NEGR1: variants seen among roughly 807,000 people sequenced by gnomAD.
NEGR1 encodes neuronal growth regulator 1, also known as IgLON family member 4.
NEGR1 carries 10 observed loss-of-function variants against 40.9 expected under a neutral mutation model. The observed-to-expected ratio is 0.24, with a 90% confidence interval of 0.15 to 0.42. The LOEUF (loss-of-function observed/expected upper bound fraction) is 0.42. Ranked by LOEUF, NEGR1 falls within the 10% of genes least tolerant of loss-of-function variation. NEGR1 has a pLI of 1.00. For synonymous variants in NEGR1, 185 were observed against 166.8 expected (o/e 1.11, Z -0.84); for missense variants, 352 against 438.9 (o/e 0.80, Z 1.77).
chr1:72,189,420 C>G (rs537096906), intron 1 of NEGR1, among the ~76,000 whole-genome samples: 43 of 151,632 alleles, frequency 2.8e-4, no homozygotes, highest in Admixed American at 6.6e-4. Context: ...CCCAGCTCAG[C>G]TGAGTAGATG....
intron 2 of NEGR1, among the ~76,000 whole-genome samples, chr1:71,863,515 G>A (rs933142060): frequency 1.2e-4 from 18 of 152,170 alleles, no homozygotes; most frequent in African/African-American, 4.3e-4. Flanking sequence ...CCTAGGTGAT[G>A]GGTTGATCTG....
At chr1:71,637,542 T>C (rs1651195585) in intron 4 of NEGR1, among the ~76,000 whole-genome samples, 1 of 152,004 alleles carries the variant, frequency 6.6e-6, no homozygotes, top group South Asian at 2.1e-4. Flanking sequence ...GAATAAAGTC[T>C]AAATGTTCAC....
chr1:72,071,680 CTA>C (rs1449814009), intron 1 of NEGR1, among the ~76,000 whole-genome samples: 3 of 152,086 alleles, frequency 2.0e-5, no homozygotes, highest in Non-Finnish European at 4.4e-5. Context: ...CACTTTTGCA[CTA>C]TGTTTGATAA....
intron 1 of NEGR1, among the ~76,000 whole-genome samples, chr1:72,192,236 G>A (rs1174009535): frequency 6.6e-6 from 1 of 151,918 alleles, no homozygotes; most frequent in Admixed American, 6.6e-5. Context: ...GCGACAAGAT[G>A]TATTAGCCAT....
At chr1:71,656,516 C>A (rs1263165368) in intron 4 of NEGR1, among the ~76,000 whole-genome samples, 1 of 152,058 alleles carries the variant, frequency 6.6e-6, no homozygotes, top group African/African-American at 2.4e-5. Flanking sequence ...GGGTTCACGC[C>A]ATTCTCCTGC....
chr1:71,753,908 C>G (rs780191877), intron 3 of NEGR1, among the ~76,000 whole-genome samples: 1 of 151,402 alleles, frequency 6.6e-6, no homozygotes, highest in Non-Finnish European at 1.5e-5. Flanking sequence ...TTACAGACCA[C>G]AAGGAAAGGA....
Position 71,849,636 on chromosome 1 carries a change from T to C in NEGR1, c.410-73339A>G, listed in dbSNP as rs191621994. 8.5e-4 allele frequency among the ~76,000 whole-genome samples: 130 copies of C among 152,248 alleles called. No individual in the cohort carries two copies. In the Middle Eastern group the frequency reaches 0.01, roughly 12 times the overall value. On this transcript the variant is annotated intron_variant, in intron 2 of 6. Coordinates refer to ENST00000357731, the MANE Select transcript of NEGR1 (RefSeq NM_173808.3). ...AATGCTATCAAATAGCATTGAATAC[T>C]ATAGAGAAATATGTTGTGAAAGGAG...
intron 2 of NEGR1, among the ~76,000 whole-genome samples, chr1:71,807,779 C>G (rs569765451): frequency 8.7e-4 from 133 of 152,236 alleles, no homozygotes; most frequent in African/African-American, 3.1e-3. Flanking sequence ...AACTTGCACA[C>G]TACAAAAGCT....
chr1:71,729,276 C>A (rs1258012669), intron 3 of NEGR1, among the ~76,000 whole-genome samples: 1 of 152,096 alleles, frequency 6.6e-6, no homozygotes, highest in Non-Finnish European at 1.5e-5. Context: ...GCTCCTCTCA[C>A]AAAAGTATTT....
rs72678928 is a variant in NEGR1, at chr1:71,746,932, G to C, written c.535+29240C>G. On this transcript the variant is annotated intron_variant, in intron 3 of 6. Coordinates refer to ENST00000357731, the MANE Select transcript of NEGR1 (RefSeq NM_173808.3). ...AGCCATCAAAAATGGAATATTGGCT[G>C]TCTCAATTATGTAAAAAGCTTATCT... 6.0e-3 allele frequency among the ~76,000 whole-genome samples: 916 copies of C among 152,298 alleles called. 5 individuals carry two copies. Among genetic ancestry groups the C allele is most frequent in the Non-Finnish European group, 9.6e-3 (654 of 68,026 alleles).
rs191092435 is a variant in NEGR1, at chr1:71,911,180, T to C, written c.409+23899A>G. On this transcript the variant is annotated intron_variant, in intron 2 of 6. Coordinates refer to ENST00000357731, the MANE Select transcript of NEGR1 (RefSeq NM_173808.3). Reference sequence around the variant, plus strand: ...TATACTATTTATTAGTCAATGACATTTCTTCAGTATATTTGATTAAAGTGT... The same window carrying C: ...TATACTATTTATTAGTCAATGACATCTCTTCAGTATATTTGATTAAAGTGT... Among the ~76,000 whole-genome samples the C allele has an allele frequency of 5.9e-5, 9 of 152,320 alleles. No individual in the cohort carries two copies. The East Asian group carries it at 1.2e-3, about 20-fold the overall frequency.
chr1:71,409,892 G>C (rs905907776), intron 6 of NEGR1, among the ~76,000 whole-genome samples: 6 of 151,950 alleles, frequency 3.9e-5, no homozygotes, highest in African/African-American at 1.4e-4. Flanking sequence ...TAGTAGTATA[G>C]TACATTCATT....
intron 4 of NEGR1, among the ~76,000 whole-genome samples, chr1:71,653,033 C>G (rs1932179): frequency 0.055 from 8,324 of 152,216 alleles, 394 homozygotes; most frequent in African/African-American, 0.13. Flanking sequence ...TTTCAAAGTA[C>G]ATTCACTGAT....
intron 2 of NEGR1, among the ~76,000 whole-genome samples, chr1:71,874,379 TA>T (rs1309706478): frequency 6.6e-6 from 1 of 152,180 alleles, no homozygotes; most frequent in Non-Finnish European, 1.5e-5. Context: ...TTCTTATTTT[TA>T]GTTGTAAAAT....
At chr1:71,942,658 C>T (rs1233498837) in intron 1 of NEGR1, among the ~76,000 whole-genome samples, 3 of 135,824 alleles carry the variant, frequency 2.2e-5, no homozygotes, top group African/African-American at 8.1e-5. Flanking sequence ...CCCGCCACTA[C>T]GCCCGGCTAA....
chr1:72,257,268 GC>G lies in NEGR1; in HGVS notation c.176+25050del, dbSNP rs556867840. ...ACCCGGGAGGCGGAGCTTGCAGTGA[GC>G]CGAGATCCCGCCACTGCACTCCAGC... On this transcript the variant is annotated intron_variant, in intron 1 of 6. Coordinates refer to ENST00000357731, the MANE Select transcript of NEGR1 (RefSeq NM_173808.3). Among the ~76,000 whole-genome samples, 934 of 140,398 alleles carry G rather than the reference GC, an allele frequency of 6.7e-3. 14 individuals are homozygous for G. The highest frequency in any genetic ancestry group is 0.024 in the African/African-American group (869 of 36,600). 92.1% of individuals were successfully genotyped at this position (140,398 alleles called of 152,430 possible). A position where few individuals can be genotyped will look rare whatever the true frequency, so the allele number is the denominator to read the frequency against.
chr1:71,538,781 T>A (rs72938096), intron 6 of NEGR1, among the ~76,000 whole-genome samples: 6,779 of 151,760 alleles, frequency 0.045, 513 homozygotes, highest in African/African-American at 0.15. Context: ...ATCTGTGAAC[T>A]TTCATGTATT....
intron 1 of NEGR1, among the ~76,000 whole-genome samples, chr1:72,109,860 G>C (rs1649284263): frequency 6.6e-6 from 1 of 151,522 alleles, no homozygotes; most frequent in African/African-American, 2.4e-5. Context: ...TATTTAAAAG[G>C]CTGCATATAT....
At chr1:72,203,509 T>C (rs1248957961) in intron 1 of NEGR1, among the ~76,000 whole-genome samples, 1 of 152,116 alleles carries the variant, frequency 6.6e-6, no homozygotes, top group African/African-American at 2.4e-5. Flanking sequence ...GATAGTGGTT[T>C]CTTGAGATGG....
Sources: allele counts gnomAD v4.1 joint callset (sites outside exome capture counted in the v4.1 genomes callset), GRCh38; gene constraint gnomAD v4.1.1; transcripts MANE v1.5; gene names NCBI Gene and HGNC (gene_info 2026-07-23, HGNC 2026-07-21).